ARHGAP27: variants seen among roughly 807,000 people sequenced by gnomAD.
The protein encoded by ARHGAP27 is rho GTPase-activating protein 27.
ARHGAP27 carries 53 observed loss-of-function variants against 102.0 expected under a neutral mutation model. That is an observed-to-expected ratio of 0.52 (90% CI 0.42 to 0.65). The LOEUF (loss-of-function observed/expected upper bound fraction) is 0.65. Ranked by LOEUF, ARHGAP27 falls within the 30% of genes least tolerant of loss-of-function variation. The probability of loss-of-function intolerance (pLI) is 0.00; values close to 1 mark genes in which losing one functional copy is unlikely to be tolerated. For synonymous variants in ARHGAP27, 525 were observed against 542.8 expected, an observed-to-expected ratio of 0.97 and a Z score of 0.46; for missense variants, 1,117 against 1,256.2, an observed-to-expected ratio of 0.89 and a Z score of 1.68.
intron 6 of ARHGAP27, 119 bp downstream of exon 6, chr17:45,404,801 GTGTT>G: frequency 6.6e-7 from 1 of 1,518,370 alleles, no homozygotes. Flanking sequence ...GCAGGTGACT[GTGTT>G]TGGCTGGTTT....
In ARHGAP27 at chr17:45,396,689, G is replaced by A. The variant is rs369459802; in HGVS notation, c.2053C>T (p.Arg685Trp). ...GTACCTTTGATGTAGCCCTTCTCCC[G>A]CAGCGACTGCAGTGTGGGCCGCCTC... Reference protein sequence around the residue: ...LQRRPTLQSLREKGYIKDQVF... With the variant: ...LQRRPTLQSLWEKGYIKDQVF... Residue 685 changes from arginine (R) to tryptophan (W), a missense_variant, in exon 15 of 20, where the codon CGG becomes TGG. Arg to Trp is a moderately radical substitution (Grantham distance 101). Around this residue, in one of 3 missense-constraint regions of ARHGAP27, gnomAD observed 493 missense variants for 505.5 expected, o/e 0.98. Transcript: ENST00000685559. 3.1e-6 allele frequency: 5 copies of A among 1,613,678 alleles called. No homozygotes were observed. In the African/African-American group the frequency reaches 4.0e-5, roughly 13 times the overall value.
rs890820097 is a variant in ARHGAP27, at chr17:45,395,727, C to T, written c.2492+17G>A. 1 of 1,579,788 alleles carries T rather than the reference C, an allele frequency of 6.3e-7. No homozygotes were observed. Among genetic ancestry groups the T allele is most frequent in the African/African-American group, 1.3e-5 (1 of 74,344 alleles). Reference sequence around the variant, plus strand: ...CGGGACCTGCCTCCCCCTTCCCGCGCGGGCCGCCCGGCTCACCGGCAGAGG... The same window carrying T: ...CGGGACCTGCCTCCCCCTTCCCGCGTGGGCCGCCCGGCTCACCGGCAGAGG... On this transcript the variant is annotated intron_variant, in intron 19 of 19. Transcript: ENST00000685559.
chr17:45,427,763 T>C lies in ARHGAP27; in HGVS notation c.657+1860A>G, dbSNP rs1466270941. ...GTGGGGCCAGAGAGCTGCCTGTCTC[T>C]GGCCAATGTCCTAGATTCCCCCCCT... On this transcript the variant is annotated intron_variant, in intron 4 of 19. Coordinates refer to ENST00000685559, the MANE Select transcript of ARHGAP27 (RefSeq NM_001282290.2). The surrounding 1 kb of genome is among the most constrained non-coding windows in gnomAD (Gnocchi z 4.5). Among the ~76,000 whole-genome samples the C allele has an allele frequency of 6.6e-6, 1 of 152,224 alleles. No individual in the cohort carries two copies. The highest frequency in any genetic ancestry group is 1.5e-5 in the Non-Finnish European group (1 of 68,026).
chr17:45,405,212 T>C, intron 5 of ARHGAP27, 106 bp from the exon 6 acceptor site: 1 of 1,275,222 alleles, frequency 7.8e-7, no homozygotes, highest in South Asian at 1.5e-5. Context: ...TCCCTGAGGC[T>C]GTGGGAGCAG....
intron 4 of ARHGAP27, among the ~76,000 whole-genome samples, chr17:45,413,864 G>T (rs1366088147): frequency 1.3e-5 from 2 of 152,120 alleles, no homozygotes; most frequent in East Asian, 3.9e-4. Flanking sequence ...CCAGCACTTT[G>T]GAAGGCCGAG....
chr17:45,412,343 G>A (rs935457713), intron 4 of ARHGAP27, among the ~76,000 whole-genome samples: 2 of 152,186 alleles, frequency 1.3e-5, no homozygotes, highest in Non-Finnish European at 2.9e-5. Context: ...GAGGCACAAG[G>A]GGGAGGGTCA....
intron 4 of ARHGAP27, among the ~76,000 whole-genome samples, chr17:45,417,981 G>T (rs2048642172): frequency 6.7e-6 from 1 of 150,256 alleles, no homozygotes; most frequent in Non-Finnish European, 1.5e-5. Context: ...GTGAACTCGG[G>T]AGCGGAGATC....
rs1482606523 is a variant in ARHGAP27, at chr17:45,429,734, G to C, written c.546C>G (p.Ser182Arg). 1 of 1,541,456 alleles carries C rather than the reference G, an allele frequency of 6.5e-7. No individual in the cohort carries two copies. The highest frequency in any genetic ancestry group is 1.4e-5 in the African/African-American group (1 of 72,188). Residue 182 changes from serine to arginine, a missense_variant, in exon 4 of 20, where the codon AGC becomes AGG. Physicochemically the swap from Ser to Arg is moderately radical, Grantham distance 110. This residue lies in a region of ARHGAP27 where 610 missense variants were observed against 716.4 expected (regional missense o/e 0.85). Transcript: ENST00000685559. The part of the protein sequence containing the change: ...LGSSGSFKAC[S>R]VAGSWVCPRP... ...GCGGGCACACCCAGGAGCCCGCCAC[G>C]CTGCAGGCCTTGAAGCTGCCGCTGC... is the stretch of plus-strand genomic sequence containing the variant.
At chr17:45,423,222 T>C (rs1425347297) in intron 4 of ARHGAP27, among the ~76,000 whole-genome samples, 1 of 152,148 alleles carries the variant, frequency 6.6e-6, no homozygotes, top group Non-Finnish European at 1.5e-5. Flanking sequence ...TTTTCTTATG[T>C]GTCTGTGAAA....
chr17:45,430,097 C>A lies in ARHGAP27; in HGVS notation c.183G>T (p.Ala61=). Residue 61 remains alanine, a synonymous_variant, in exon 4 of 20, where the codon GCG becomes GCT. Transcript: ENST00000685559. The surrounding 1 kb of genome is among the most constrained non-coding windows in gnomAD (Gnocchi z 4.4). ...GCGCGGGCAGCTCGCGCACGTACTG[C>A]GCAGGCAGGTAGAAGGGGCGGCCGC... ...EPGGRPFYLP[A]QYVRELPALG... 1 of 1,509,290 alleles carries A rather than the reference C, an allele frequency of 6.6e-7. No individual in the cohort carries two copies. Among genetic ancestry groups the A allele is most frequent in the Non-Finnish European group, 8.8e-7 (1 of 1,136,300 alleles). 93.5% of individuals were successfully genotyped at this position (1,509,290 alleles called of 1,614,324 possible).
At position 45,404,255 on chromosome 17, in the gene ARHGAP27, G is replaced by A. The variant is rs1366688889; in HGVS notation, c.1479+14C>T. 1 of 1,613,788 alleles carries A rather than the reference G, an allele frequency of 6.2e-7. No homozygotes were observed. The highest frequency in any genetic ancestry group is 1.7e-5 in the Admixed American group (1 of 60,008). On this transcript the variant is annotated intron_variant, in intron 9 of 19. Coordinates refer to ENST00000685559, the MANE Select transcript of ARHGAP27 (RefSeq NM_001282290.2). ...AGCACCACCACCTGGCTGGGGGTAG[G>A]GGGTGATGCCTACCCTCACAGCAGC... is the stretch of plus-strand genomic sequence containing the variant.
chr17:45,430,273 C>T lies in ARHGAP27; in HGVS notation c.7G>A (p.Ala3Thr). 1 of 1,574,026 alleles carries T rather than the reference C, an allele frequency of 6.4e-7. No individual in the cohort carries two copies. The highest frequency in any genetic ancestry group is 8.6e-7 in the Non-Finnish European group (1 of 1,168,524). Residue 3 changes from alanine to threonine, a missense_variant, in exon 4 of 20, where the codon GCG (alanine) becomes ACG (threonine). Around this residue, in one of 3 missense-constraint regions of ARHGAP27, gnomAD observed 610 missense variants for 716.4 expected, o/e 0.85. Transcript: ENST00000685559. The surrounding 1 kb of genome is among the most constrained non-coding windows in gnomAD (Gnocchi z 4.4). ...ACGTACACGTCCCCCACCACGTCCG[C>T]CGCCATCGCAGCCGCGGCGTTTTCC... MA[A>T]DVVGDVYVLV...
intron 4 of ARHGAP27, among the ~76,000 whole-genome samples, chr17:45,419,646 G>A (rs542643035): frequency 6.6e-6 from 1 of 150,948 alleles, no homozygotes; most frequent in South Asian, 2.1e-4. Flanking sequence ...GAAAACTTGT[G>A]TGGCAAAATA....
At chr17:45,422,914 C>T (rs1167549096) in intron 4 of ARHGAP27, among the ~76,000 whole-genome samples, 1 of 152,232 alleles carries the variant, frequency 6.6e-6, no homozygotes, top group Non-Finnish European at 1.5e-5. Context: ...GGCGTGGTGG[C>T]TCACACCTGT....
chr17:45,419,742 AG>A (rs887594022), intron 4 of ARHGAP27, among the ~76,000 whole-genome samples: 1 of 151,866 alleles, frequency 6.6e-6, no homozygotes, highest in African/African-American at 2.4e-5. Flanking sequence ...TATTTTCCCT[AG>A]TATAGAAAAA....
In ARHGAP27 at chr17:45,395,312, C is replaced by T. The variant is rs2045458425; in HGVS notation, c.*144G>A. ...TGCCCACTAGGGGTCACCGTACCCT[C>T]AGAACCGAGGGTGCAGAAGTCACAC... On this transcript the variant is annotated 3_prime_UTR_variant, in exon 20 of 20. Coordinates refer to ENST00000685559, the MANE Select transcript of ARHGAP27 (RefSeq NM_001282290.2). 1 of 1,094,020 alleles carries T rather than the reference C, an allele frequency of 9.1e-7. No individual in the cohort carries two copies. Among genetic ancestry groups the T allele is most frequent in the Non-Finnish European group, 1.3e-6 (1 of 786,522 alleles). The allele number at this position is 1,094,020 out of a possible 1,614,324, so 67.8% of individuals were successfully genotyped here.
At chr17:45,397,136 A>T (rs2045845381) in intron 13 of ARHGAP27, 112 bp from the exon 14 acceptor site, 3 of 1,500,298 alleles carry the variant, frequency 2.0e-6, no homozygotes. Context: ...GGAGACCCTC[A>T]GCGAAGAGTC....
chr17:45,396,664 G>T lies in ARHGAP27; in HGVS notation c.2074+4C>A. On this transcript the variant is annotated splice_donor_region_variant and intron_variant, in intron 15 of 19. Transcript: ENST00000685559. ...GGTCCCCGCCCCCCGCAGGCCTCGGGTACCTTTGATGTAGCCCTTCTCCCG... is the reference window on the plus strand; with the variant it reads ...GGTCCCCGCCCCCCGCAGGCCTCGGTTACCTTTGATGTAGCCCTTCTCCCG... 8.7e-6 allele frequency: 14 copies of T among 1,613,532 alleles called. No individual in the cohort carries two copies. Among genetic ancestry groups the T allele is most frequent in the Non-Finnish European group, 1.1e-5 (13 of 1,179,586 alleles).
intron 17 of ARHGAP27, 25 bp from the exon 18 acceptor site, chr17:45,396,142 C>T (rs750691619): frequency 3.7e-6 from 6 of 1,601,488 alleles, no homozygotes; most frequent in South Asian, 3.4e-5. Context: ...GGGAGGAGGA[C>T]GGAAGGGAAA....
Sources: allele counts gnomAD v4.1 joint callset (sites outside exome capture counted in the v4.1 genomes callset), GRCh38; gene constraint gnomAD v4.1.1; regional missense constraint gnomAD v4.1.1; non-coding constraint Gnocchi (gnomAD v3.1); transcripts MANE v1.5; gene names NCBI Gene and HGNC (gene_info 2026-07-23, HGNC 2026-07-21).